Variants in ZNF574 observed in about 807,000 individuals in gnomAD.
ZNF574 encodes the protein zinc finger protein 574.
Under a neutral mutation model 56.6 loss-of-function variants are expected in ZNF574, and 25 were observed. The observed-to-expected ratio is 0.44, with a 90% confidence interval of 0.32 to 0.62. The LOEUF is 0.62. Among genes scored for constraint, ZNF574 ranks in the 20% least tolerant of loss-of-function variants. The probability of loss-of-function intolerance (pLI) is 0.04; values close to 1 mark genes in which losing one functional copy is unlikely to be tolerated. For synonymous variants in ZNF574, 543 were observed against 492.1 expected (o/e 1.10, Z -1.37); for missense variants, 1,065 against 1,218.9 (o/e 0.87, Z 1.88).
At chr19:42,078,473 G>A (rs1387518607) in intron 1 of ZNF574, 114 bp from the exon 2 acceptor site, 37 of 941,108 alleles carry the variant, frequency 3.9e-5, no homozygotes, top group South Asian at 2.6e-4. Context: ...TTTAAAAATC[G>A]AAGGAAGAAC....
chr19:42,072,948 T>C (rs2076434356), upstream of ZNF574, among the ~76,000 whole-genome samples: 1 of 152,256 alleles, frequency 6.6e-6, no homozygotes, highest in African/African-American at 2.4e-5. Flanking sequence ...TGTCAAAAAC[T>C]GAGCATGGCT....
At chr19:42,072,997 A>C (rs1413112914), upstream of ZNF574, among the ~76,000 whole-genome samples, 1 of 152,232 alleles carries the variant, frequency 6.6e-6, no homozygotes, top group Non-Finnish European at 1.5e-5. Context: ...ATTTTGCCCT[A>C]AGGGCAAACC....
At position 42,079,571 on chromosome 19, in the gene ZNF574, A is replaced by C; in HGVS notation, c.965A>C (p.His322Pro). 6.2e-7 allele frequency: 1 copy of C among 1,614,048 alleles called. No individual in the cohort carries two copies. Among genetic ancestry groups the C allele is most frequent in the Non-Finnish European group, 8.5e-7 (1 of 1,179,986 alleles). Residue 322 changes from histidine to proline, a missense_variant, in exon 2 of 2, where the codon CAC becomes CCC. Coordinates refer to ENST00000359044, the MANE Select transcript of ZNF574 (RefSeq NM_022752.6). This position sits in a 1 kb window ranked among gnomAD's most constrained non-coding sequence, Gnocchi z 4.3. ...SACDQLFLSP[H>P]QLQQHLRSHR... ...TGTGACCAGCTCTTTCTCTCACCCC[A>C]CCAGCTACAGCAGCACCTGCGGAGT...
At chr19:42,077,698 C>T (rs1042103657) in intron 1 of ZNF574, among the ~76,000 whole-genome samples, 9 of 152,150 alleles carry the variant, frequency 5.9e-5, no homozygotes, top group African/African-American at 2.2e-4. Context: ...GATAGATACC[C>T]TGGAGACAGG....
At chr19:42,074,347 C>T (rs2076442950), upstream of ZNF574, among the ~76,000 whole-genome samples, 1 of 150,296 alleles carries the variant, frequency 6.7e-6, no homozygotes, top group African/African-American at 2.5e-5. Flanking sequence ...CACAGGTACT[C>T]AGGAGGCTGA....
upstream of ZNF574, among the ~76,000 whole-genome samples, chr19:42,072,560 C>A (rs115630984): frequency 1.3e-5 from 2 of 148,436 alleles, no homozygotes; most frequent in East Asian, 4.0e-4. Flanking sequence ...TTTATTTTTT[C>A]TTTCTTTCTT....
intron 1 of ZNF574, chr19:42,071,015 GGTGA>G (rs1250087388): frequency 3.3e-5 from 5 of 152,470 alleles, no homozygotes; most frequent in Non-Finnish European, 5.9e-5. Flanking sequence ...GGGGATGGGT[GGTGA>G]GTATGAGAAT....
chr19:42,078,850 G>A lies in ZNF574; in HGVS notation c.244G>A (p.Gly82Ser), dbSNP rs999401641. The A allele has an allele frequency of 1.9e-6, 3 of 1,613,928 alleles. No individual in the cohort carries two copies. The highest frequency in any genetic ancestry group is 1.7e-6 in the Non-Finnish European group (2 of 1,179,968). The stretch of plus-strand genomic sequence containing the variant: ...GAGCCAGTACCAGTGCCTGGAGTGT[G>A]GTCAACTGCTGATGTCACCCAGCCA... ...QESQYQCLEC[G>S]QLLMSPSQLL... The change falls in exon 2 of 2, where the codon GGT (glycine) becomes AGT (serine). Residue 82 changes from glycine to serine, a missense_variant. Gly to Ser is a moderately conservative substitution (Grantham distance 56). Transcript: ENST00000359044.
At chr19:42,074,154 T>G (rs1157182385), upstream of ZNF574, among the ~76,000 whole-genome samples, 1 of 129,168 alleles carries the variant, frequency 7.7e-6, no homozygotes, top group Non-Finnish European at 1.7e-5. Context: ...AAAAAAAAAA[T>G]TAAATTAAAT....
intron 1 of ZNF574, among the ~76,000 whole-genome samples, chr19:42,076,694 G>C (rs1021600200): frequency 6.6e-6 from 1 of 152,218 alleles, no homozygotes. Context: ...TAGGGGCTTA[G>C]GGCGTGAGAA....
chr19:42,080,657 C>G lies in ZNF574; in HGVS notation c.2051C>G (p.Ala684Gly). The G allele has an allele frequency of 6.2e-7, 1 of 1,613,130 alleles. No homozygotes were observed. The highest frequency in any genetic ancestry group is 8.5e-7 in the Non-Finnish European group (1 of 1,179,914). Residue 684 changes from alanine (A) to glycine (G), a missense_variant, in exon 2 of 2, where the codon GCA becomes GGA. Coordinates refer to ENST00000359044, the MANE Select transcript of ZNF574 (RefSeq NM_022752.6). This position sits in a 1 kb window ranked among gnomAD's most constrained non-coding sequence, Gnocchi z 8.5. ...GTGGGCTCAGCTGCTCGACTGCAGGCACACGAGGCGGCCCATGCAGCTGCT... is the reference window on the plus strand; with the variant it reads ...GTGGGCTCAGCTGCTCGACTGCAGGGACACGAGGCGGCCCATGCAGCTGCT... ...KKVGSAARLQ[A>G]HEAAHAAAGP...
upstream of ZNF574, among the ~76,000 whole-genome samples, chr19:42,071,511 G>A (rs977413432): frequency 6.6e-6 from 1 of 152,038 alleles, no homozygotes; most frequent in African/African-American, 2.4e-5. Flanking sequence ...CTGCAAGCTG[G>A]CATGTGGGGC....
intron 1 of ZNF574, among the ~76,000 whole-genome samples, chr19:42,070,161 C>CGCCT (rs1310118674): frequency 6.6e-6 from 1 of 152,002 alleles, no homozygotes; most frequent in Non-Finnish European, 1.5e-5. Flanking sequence ...CCGAGGCCGC[C>CGCCT]GCCTGCCTGC....
chr19:42,081,134 C>A lies in ZNF574; in HGVS notation c.2528C>A (p.Thr843Asn), dbSNP rs1396825785. 1.9e-6 allele frequency: 3 copies of A among 1,614,158 alleles called. No homozygotes were observed. The highest frequency in any genetic ancestry group is 2.2e-5 in the South Asian group (2 of 91,090). The change falls in exon 2 of 2, where the codon ACC (threonine) becomes AAC (asparagine). Residue 843 changes from threonine (T) to asparagine (N), a missense_variant. Physicochemically the swap from Thr to Asn is moderately conservative, Grantham distance 65. Coordinates refer to ENST00000359044, the MANE Select transcript of ZNF574 (RefSeq NM_022752.6). The stretch of plus-strand genomic sequence containing the variant: ...TCCAACCTCTGGAAGCACCGCAAGA[C>A]CCATCAGCAGCAGCATCAGGCAGCT... ...SFSNLWKHRK[T>N]HQQQHQAAVR...
At chr19:42,071,819 C>T (rs1432930835), upstream of ZNF574, among the ~76,000 whole-genome samples, 1 of 152,048 alleles carries the variant, frequency 6.6e-6, no homozygotes, top group South Asian at 2.1e-4. Context: ...GCCTGGCCAA[C>T]ATGGCAAAAC....
intron 1 of ZNF574, chr19:42,070,678 G>A (rs1324899094): frequency 6.5e-6 from 1 of 152,928 alleles, no homozygotes; most frequent in Non-Finnish European, 1.5e-5. Flanking sequence ...GCAGCCTACA[G>A]AGACAAGCAA....
Position 42,079,027 on chromosome 19 carries a change from T to C in ZNF574, c.421T>C (p.Trp141Arg). The C allele has an allele frequency of 6.2e-7, 1 of 1,614,134 alleles. No homozygotes were observed. The highest frequency in any genetic ancestry group is 1.1e-5 in the South Asian group (1 of 91,082). ...GGCTCTCTTTGCCAGCCAGGAGCTC[T>C]GGCTGAACCACCGGCAGACGCACCT... ...CKALFASQEL[W>R]LNHRQTHLRA... Residue 141 changes from tryptophan (W) to arginine (R), a missense_variant, in exon 2 of 2, where the codon TGG becomes CGG. Physicochemically the swap from Trp to Arg is moderately radical, Grantham distance 101. Transcript: ENST00000359044. The surrounding 1 kb of genome is among the most constrained non-coding windows in gnomAD (Gnocchi z 4.3).
Position 42,080,987 on chromosome 19 carries a change from T to G in ZNF574, c.2381T>G (p.Phe794Cys). The G allele has an allele frequency of 6.2e-7, 1 of 1,614,210 alleles. No homozygotes were observed. Among genetic ancestry groups the G allele is most frequent in the Non-Finnish European group, 8.5e-7 (1 of 1,180,032 alleles). ...HRRLHTGERP[F>C]ACEVCGKAFA... ...CGCCTGCACACAGGTGAGCGGCCCT[T>G]TGCCTGTGAAGTGTGTGGCAAGGCC... The change falls in exon 2 of 2, where the codon TTT becomes TGT. Residue 794 changes from phenylalanine to cysteine, a missense_variant. Phe to Cys is a radical substitution (Grantham distance 205). Coordinates refer to ENST00000359044, the MANE Select transcript of ZNF574 (RefSeq NM_022752.6). The surrounding 1 kb of genome is among the most constrained non-coding windows in gnomAD (Gnocchi z 8.5).
Position 42,080,716 on chromosome 19 carries a change from G to C in ZNF574, c.2110G>C (p.Ala704Pro). The change falls in exon 2 of 2, where the codon GCC becomes CCC. Residue 704 changes from alanine to proline, a missense_variant. Physicochemically the swap from Ala to Pro is conservative, Grantham distance 27. Coordinates refer to ENST00000359044, the MANE Select transcript of ZNF574 (RefSeq NM_022752.6). This position sits in a 1 kb window ranked among gnomAD's most constrained non-coding sequence, Gnocchi z 8.5. ...PGEVLAKEPP[A>P]PRAPRATRAP... ...AGAGGTCCTGGCTAAGGAGCCCCCT[G>C]CCCCTCGAGCCCCACGGGCCACTCG... is the stretch of plus-strand genomic sequence containing the variant. 6.2e-7 allele frequency: 1 copy of C among 1,613,456 alleles called. No homozygotes were observed. Among genetic ancestry groups the C allele is most frequent in the Non-Finnish European group, 8.5e-7 (1 of 1,179,940 alleles).
Sources: allele counts gnomAD v4.1 joint callset (sites outside exome capture counted in the v4.1 genomes callset), GRCh38; gene constraint gnomAD v4.1.1; non-coding constraint Gnocchi (gnomAD v3.1); transcripts MANE v1.5; gene names NCBI Gene and HGNC (gene_info 2026-07-23, HGNC 2026-07-21).